Variants in AGBL4 observed in about 807,000 individuals in gnomAD.
AGBL4 encodes the protein AGBL carboxypeptidase 4.
AGBL4 carries 58 observed loss-of-function variants against 66.4 expected under a neutral mutation model. That is an observed-to-expected ratio of 0.87 (90% CI 0.71 to 1.09). AGBL4 has a LOEUF of 1.09. Among genes scored for constraint, AGBL4 ranks in the 50% least tolerant of loss-of-function variants. The probability of loss-of-function intolerance (pLI) is 0.00; values close to 1 mark genes in which losing one functional copy is unlikely to be tolerated. For synonymous variants in AGBL4, 234 were observed against 222.9 expected (o/e 1.05, Z -0.44); for missense variants, 579 against 631.0 (o/e 0.92, Z 0.88).
intron 4 of AGBL4, among the ~76,000 whole-genome samples, chr1:49,135,257 G>C (rs537499291): frequency 2.6e-5 from 4 of 152,056 alleles, no homozygotes; most frequent in African/African-American, 7.2e-5. Context: ...ATGTTTGTGG[G>C]TTATTGCTAT....
At chr1:48,893,763 C>T (rs1377050174) in intron 5 of AGBL4, among the ~76,000 whole-genome samples, 2 of 152,046 alleles carry the variant, frequency 1.3e-5, no homozygotes, top group African/African-American at 4.8e-5. Context: ...TTCTACCATG[C>T]GAGGCTACAA....
rs11205535 is a variant in AGBL4, at chr1:48,745,247, G to A, written c.635-82006C>T. ...AAGTAAAGTCCTGCTGCTGAGTAGA[G>A]GTGCTTGAGGGTAGAGGCATGGACA... On this transcript the variant is annotated intron_variant, in intron 6 of 13. Transcript: ENST00000371839. Among the ~76,000 whole-genome samples, 491 of 152,290 alleles carry A rather than the reference G, an allele frequency of 3.2e-3. 2 individuals carry two copies. Among genetic ancestry groups the A allele is most frequent in the African/African-American group, 0.011 (464 of 41,560 alleles).
chr1:50,015,401 A>G (rs1427424831), intron 1 of AGBL4, among the ~76,000 whole-genome samples: 1 of 152,238 alleles, frequency 6.6e-6, no homozygotes, highest in Non-Finnish European at 1.5e-5. Context: ...ACAATGCTTG[A>G]TGCATAGAAG....
At chr1:50,003,746 T>C (rs578238447) in intron 1 of AGBL4, among the ~76,000 whole-genome samples, 2 of 152,256 alleles carry the variant, frequency 1.3e-5, no homozygotes, top group Admixed American at 1.3e-4. Flanking sequence ...TGTCTTTTAT[T>C]TAACTGGAGC....
chr1:49,487,424 C>A (rs1267365428), intron 3 of AGBL4, among the ~76,000 whole-genome samples: 1 of 151,886 alleles, frequency 6.6e-6, no homozygotes, highest in Admixed American at 6.6e-5. Context: ...AGAACAGGAA[C>A]AGGTGGAGGT....
chr1:49,747,937 TG>T (rs1236120133), intron 2 of AGBL4, among the ~76,000 whole-genome samples: 1 of 95,444 alleles, frequency 1.0e-5, no homozygotes, highest in Non-Finnish European at 2.2e-5. Flanking sequence ...AAAAGGAGTG[TG>T]TGTGTTTGTG....
intron 6 of AGBL4, among the ~76,000 whole-genome samples, chr1:48,743,036 T>C (rs1355520555): frequency 1.3e-5 from 2 of 152,166 alleles, no homozygotes; most frequent in Non-Finnish European, 2.9e-5. Flanking sequence ...ATTGTCTAAA[T>C]GGAAAGGCAG....
At chr1:48,883,526 C>T (rs147543066) in intron 5 of AGBL4, among the ~76,000 whole-genome samples, 48 of 152,292 alleles carry the variant, frequency 3.2e-4, no homozygotes, top group Non-Finnish European at 6.2e-4. Context: ...TTTGACTCTC[C>T]GTCCCCACTG....
chr1:49,278,788 T>G (rs992962605), intron 3 of AGBL4, among the ~76,000 whole-genome samples: 2 of 152,032 alleles, frequency 1.3e-5, no homozygotes, highest in Non-Finnish European at 2.9e-5. Context: ...CAGAGGACAA[T>G]AAAAATAAAT....
chr1:49,592,919 T>C (rs1286277185), intron 3 of AGBL4, among the ~76,000 whole-genome samples: 1 of 152,226 alleles, frequency 6.6e-6, no homozygotes, highest in East Asian at 1.9e-4. Flanking sequence ...ATTGTTTAAC[T>C]AGCAATTTAA....
chr1:48,808,810 C>T (rs535209044), intron 6 of AGBL4, among the ~76,000 whole-genome samples: 41 of 152,258 alleles, frequency 2.7e-4, no homozygotes, highest in African/African-American at 9.6e-4. Context: ...TCCCTGGAGC[C>T]GTAGAAGGGC....
At chr1:49,262,663 T>C (rs1421597985) in intron 3 of AGBL4, among the ~76,000 whole-genome samples, 1 of 152,042 alleles carries the variant, frequency 6.6e-6, no homozygotes, top group Non-Finnish European at 1.5e-5. Context: ...CAACAGGTGC[T>C]GGAGAGGATG....
intron 5 of AGBL4, among the ~76,000 whole-genome samples, chr1:48,935,442 G>A (rs959145): frequency 0.1 from 15,900 of 152,048 alleles, 922 homozygotes; most frequent in African/African-American, 0.12. Flanking sequence ...GTGCTCTGCC[G>A]CACTGCTGCT....
chr1:49,097,108 T>C (rs1645120251), intron 4 of AGBL4, among the ~76,000 whole-genome samples: 1 of 152,166 alleles, frequency 6.6e-6, no homozygotes, highest in Non-Finnish European at 1.5e-5. Context: ...GCCACTAAGT[T>C]TGAATAGCAG....
rs1366350862 is a variant in AGBL4 at position 50,023,870 on chromosome 1, G to A, written c.-74C>T. The A allele has an allele frequency of 1.4e-5, 21 of 1,477,666 alleles. No individual in the cohort carries two copies. Among genetic ancestry groups the A allele is most frequent in the Non-Finnish European group, 1.9e-5 (21 of 1,098,452 alleles). The allele number at this position is 1,477,666 out of a possible 1,614,324, so 91.5% of individuals were successfully genotyped here. A position where few individuals can be genotyped will look rare whatever the true frequency, so the allele number is the denominator to read the frequency against. ...AGGGAGCGGGTGGTGGGATCAGTGGGCTGACAGGAGCTACCTCAGGAAGAC... is the reference window on the plus strand; with the variant it reads ...AGGGAGCGGGTGGTGGGATCAGTGGACTGACAGGAGCTACCTCAGGAAGAC... On this transcript the variant is annotated 5_prime_UTR_variant, in exon 1 of 14. Transcript: ENST00000371839.
intron 1 of AGBL4, among the ~76,000 whole-genome samples, chr1:49,993,450 C>T (rs1433890963): frequency 6.6e-6 from 1 of 152,170 alleles, no homozygotes; most frequent in Non-Finnish European, 1.5e-5. Flanking sequence ...AGACAGTATA[C>T]CTATTCTCCT....
chr1:49,202,905 C>CA (rs1333331789), intron 4 of AGBL4, among the ~76,000 whole-genome samples: 1 of 151,398 alleles, frequency 6.6e-6, no homozygotes, highest in Non-Finnish European at 1.5e-5. Flanking sequence ...TCCTACAAAT[C>CA]AAAAACAAAA....
intron 6 of AGBL4, among the ~76,000 whole-genome samples, chr1:48,703,605 G>C (rs1646836953): frequency 6.6e-6 from 1 of 152,140 alleles, no homozygotes; most frequent in Admixed American, 6.5e-5. Context: ...AGAGATCAGT[G>C]TTCCAGGCAA....
At chr1:49,998,885 G>A (rs756177997) in intron 1 of AGBL4, among the ~76,000 whole-genome samples, 7 of 151,916 alleles carry the variant, frequency 4.6e-5, no homozygotes, top group Admixed American at 6.6e-5. Context: ...ATCCAGCATC[G>A]CTTTATGTTT....
Sources: allele counts gnomAD v4.1 joint callset (sites outside exome capture counted in the v4.1 genomes callset), GRCh38; gene constraint gnomAD v4.1.1; transcripts MANE v1.5; gene names NCBI Gene and HGNC (gene_info 2026-07-23, HGNC 2026-07-21).